Variants in SGMS1 observed in about 807,000 individuals in gnomAD.
SGMS1 encodes the protein sphingomyelin synthase 1.
A neutral mutation model predicts 46.2 loss-of-function variants in SGMS1; 13 were observed. The ratio of observed to expected loss-of-function variants is 0.28; its 90% CI spans 0.18 to 0.45. SGMS1 has a LOEUF of 0.45. SGMS1 is among the 20% of genes least tolerant of loss of function. The probability of loss-of-function intolerance (pLI) is 1.00; values close to 1 mark genes in which losing one functional copy is unlikely to be tolerated. For missense variants in SGMS1, 324 were observed against 519.9 expected (o/e 0.62, Z 3.66); for synonymous variants, 203 against 187.8 (o/e 1.08, Z -0.66).
intron 2 of SGMS1, among the ~76,000 whole-genome samples, chr10:50,535,537 T>C (rs939526788): frequency 8.6e-5 from 13 of 152,042 alleles, no homozygotes; most frequent in African/African-American, 3.1e-4. Context: ...ACCTAGCTAA[T>C]TTTTGTATTT....
At chr10:50,341,662 C>T (rs1275729899) in intron 7 of SGMS1, among the ~76,000 whole-genome samples, 1 of 152,216 alleles carries the variant, frequency 6.6e-6, no homozygotes, top group African/African-American at 2.4e-5. Context: ...ACCCAAACCA[C>T]TCAGCAAGTT....
chr10:50,478,232 T>G (rs905962879), intron 3 of SGMS1, among the ~76,000 whole-genome samples: 4 of 152,138 alleles, frequency 2.6e-5, no homozygotes, highest in Admixed American at 6.6e-5. Flanking sequence ...CACAGTCAGA[T>G]CCACACAATG....
At chr10:50,561,126 G>T (rs1202482415) in intron 2 of SGMS1, among the ~76,000 whole-genome samples, 1 of 152,100 alleles carries the variant, frequency 6.6e-6, no homozygotes, top group Non-Finnish European at 1.5e-5. Flanking sequence ...GAGTTAAAAG[G>T]CCTAGTTTCT....
chr10:50,346,716 G>T (rs1021005205), intron 6 of SGMS1, among the ~76,000 whole-genome samples: 4 of 151,832 alleles, frequency 2.6e-5, no homozygotes, highest in Non-Finnish European at 4.4e-5. Context: ...TGCTTGTCAG[G>T]GTGAGACAGG....
intron 3 of SGMS1, among the ~76,000 whole-genome samples, chr10:50,484,726 C>G (rs1261634168): frequency 1.3e-5 from 2 of 152,192 alleles, no homozygotes; most frequent in Non-Finnish European, 2.9e-5. Context: ...CCCTGGAATG[C>G]AAGGCTGGTT....
intron 2 of SGMS1, among the ~76,000 whole-genome samples, chr10:50,573,951 T>C (rs1366545293): frequency 6.6e-6 from 1 of 152,180 alleles, no homozygotes; most frequent in Non-Finnish European, 1.5e-5. Context: ...TAAAGGGTTC[T>C]GGGAAAGCTG....
chr10:50,322,006 G>C (rs1847453833), intron 8 of SGMS1, among the ~76,000 whole-genome samples: 2 of 152,236 alleles, frequency 1.3e-5, no homozygotes, highest in African/African-American at 4.8e-5. Context: ...TATGAAGGCT[G>C]TTCTGCTGTT....
chr10:50,322,376 C>A (rs1447387865), intron 8 of SGMS1, among the ~76,000 whole-genome samples: 2 of 152,202 alleles, frequency 1.3e-5, no homozygotes, highest in African/African-American at 4.8e-5. Flanking sequence ...GTTATTTCTT[C>A]TCTTCTATTA....
intron 5 of SGMS1, among the ~76,000 whole-genome samples, chr10:50,442,169 C>A (rs904628879): frequency 6.8e-6 from 1 of 147,102 alleles, no homozygotes; most frequent in African/African-American, 2.5e-5. Flanking sequence ...ATAATACTGA[C>A]TTTTTCTGCT....
intron 2 of SGMS1, among the ~76,000 whole-genome samples, chr10:50,589,292 C>T (rs1838517131): frequency 1.3e-5 from 2 of 152,150 alleles, no homozygotes; most frequent in Admixed American, 1.3e-4. Flanking sequence ...TAGACTGGGA[C>T]TCACTGTCGC....
chr10:50,457,056 G>A (rs1837200614), intron 5 of SGMS1, among the ~76,000 whole-genome samples: 1 of 152,160 alleles, frequency 6.6e-6, no homozygotes, highest in Non-Finnish European at 1.5e-5. Flanking sequence ...GTTTTTTAGA[G>A]AGGTTTTAAC....
intron 2 of SGMS1, among the ~76,000 whole-genome samples, chr10:50,560,087 C>A (rs988807502): frequency 6.9e-6 from 1 of 145,718 alleles, no homozygotes; most frequent in East Asian, 2.0e-4. Context: ...ACATATATTA[C>A]CTTAGGTAAT....
intron 1 of SGMS1, among the ~76,000 whole-genome samples, chr10:50,607,900 T>C (rs1230814417): frequency 6.6e-6 from 1 of 151,980 alleles, no homozygotes; most frequent in Non-Finnish European, 1.5e-5. Flanking sequence ...CCAGCAAAAA[T>C]AATAATATAA....
Position 50,601,159 on chromosome 10 carries a change from G to A in SGMS1, c.-683-10912C>T, listed in dbSNP as rs570521695. ...TCCAGGCACCAAGTGATAGGGGCTC[G>A]AGAATGAGCTAATAAAAAGAGGTAA... On this transcript the variant is annotated intron_variant, in intron 1 of 10. Coordinates refer to ENST00000361781, the MANE Select transcript of SGMS1 (RefSeq NM_147156.4). 1.6e-4 allele frequency among the ~76,000 whole-genome samples: 25 copies of A among 152,264 alleles called. No individual in the cohort carries two copies. In the South Asian group the frequency reaches 4.1e-3, roughly 25 times the overall value.
At chr10:50,421,718 C>T (rs1285435576) in intron 6 of SGMS1, among the ~76,000 whole-genome samples, 3 of 152,158 alleles carry the variant, frequency 2.0e-5, no homozygotes, top group African/African-American at 7.2e-5. Flanking sequence ...CCTGTGCTCC[C>T]TGGCCTATGT....
intron 7 of SGMS1, among the ~76,000 whole-genome samples, chr10:50,333,575 C>G (rs1019819483): frequency 3.3e-5 from 5 of 152,166 alleles, no homozygotes; most frequent in African/African-American, 1.2e-4. Flanking sequence ...CCTTTCCACC[C>G]ATCACAGCCT....
chr10:50,355,542 C>T (rs182022297), intron 6 of SGMS1, among the ~76,000 whole-genome samples: 2,186 of 152,264 alleles, frequency 0.014, 59 homozygotes, highest in African/African-American at 0.05. Flanking sequence ...CCCAAGGTGC[C>T]GGGATTGCAG....
At chr10:50,394,533 T>C (rs915153491) in intron 6 of SGMS1, among the ~76,000 whole-genome samples, 4 of 152,238 alleles carry the variant, frequency 2.6e-5, no homozygotes, top group Non-Finnish European at 4.4e-5. Context: ...TAACTGTCAA[T>C]AGTGTTGATT....
chr10:50,622,340 T>C (rs929687860), intron 1 of SGMS1, among the ~76,000 whole-genome samples: 28 of 152,094 alleles, frequency 1.8e-4, no homozygotes, highest in African/African-American at 6.8e-4. Context: ...GCAACACCCA[T>C]CGCGTTCCTA....
Sources: gnomAD v4.1 joint callset for allele counts (sites outside exome capture counted in the v4.1 genomes callset) on GRCh38, gnomAD v4.1.1 for gene constraint, MANE v1.5 for transcripts, NCBI Gene and HGNC (gene_info 2026-07-23, HGNC 2026-07-21) for gene names.